The following AKAP12 variants were observed in gnomAD, a reference collection of about 807,000 sequenced individuals.
The protein encoded by AKAP12 is A-kinase anchoring protein 12.
AKAP12 carries 32 observed loss-of-function variants against 79.9 expected under a neutral mutation model. That is an observed-to-expected ratio of 0.40 (90% CI 0.30 to 0.54). The LOEUF is 0.54. Among genes scored for constraint, AKAP12 ranks in the 20% least tolerant of loss-of-function variants. The pLI is 0.48. For missense variants in AKAP12, 2,074 were observed against 2,177.0 expected (o/e 0.95, Z 0.94); for synonymous variants, 808 against 857.0 (o/e 0.94, Z 1.00).
chr6:151,326,325 C>A (rs1044769323), intron 3 of AKAP12, among the ~76,000 whole-genome samples: 1 of 152,066 alleles, frequency 6.6e-6, no homozygotes, highest in Non-Finnish European at 1.5e-5. Flanking sequence ...GGGCAAATTA[C>A]AAGTGTTTGC....
At chr6:151,251,361 A>G (rs1797171108) in intron 2 of AKAP12, among the ~76,000 whole-genome samples, 1 of 152,172 alleles carries the variant, frequency 6.6e-6, no homozygotes. Flanking sequence ...TAACATCCGC[A>G]CAGTAAAGTG....
chr6:151,277,356 A>G (rs1776307910), intron 2 of AKAP12, among the ~76,000 whole-genome samples: 2 of 152,314 alleles, frequency 1.3e-5, no homozygotes, highest in South Asian at 4.1e-4. Flanking sequence ...TACTCGTATG[A>G]TAACCACACC....
intron 2 of AKAP12, among the ~76,000 whole-genome samples, chr6:151,261,322 G>A (rs897207381): frequency 6.6e-6 from 1 of 151,886 alleles, no homozygotes; most frequent in Non-Finnish European, 1.5e-5. Context: ...AGTGATCCGA[G>A]ATTGTGCCAC....
intron 3 of AKAP12, among the ~76,000 whole-genome samples, chr6:151,322,451 T>C (rs1777420219): frequency 6.6e-6 from 1 of 152,202 alleles, no homozygotes; most frequent in Non-Finnish European, 1.5e-5. Flanking sequence ...TCCAGTGTTG[T>C]CTTCCCCGCC....
At position 151,258,926 on chromosome 6, in the gene AKAP12, C is replaced by CTGTG. The variant is rs35650826; in HGVS notation, c.162+18222_162+18225dup. ...ATAGGTATGAGCCACTGTGCCCAGC[C>CTGTG]TGTGTGTGTGTGTGTGTGTGTGTTT... On this transcript the variant is annotated intron_variant, in intron 2 of 4. Transcript: ENST00000402676. Among the ~76,000 whole-genome samples the CTGTG allele has an allele frequency of 2.0e-3, 292 of 148,066 alleles. 4 individuals are homozygous for CTGTG. The South Asian group carries it at 0.03, about 15-fold the overall frequency.
chr6:151,349,181 G>A lies in AKAP12; in HGVS notation c.790G>A (p.Glu264Lys), dbSNP rs1312851690. 5.0e-6 allele frequency: 8 copies of A among 1,612,990 alleles called. No homozygotes were observed. The highest frequency in any genetic ancestry group is 6.8e-6 in the Non-Finnish European group (8 of 1,180,042). ...PPAESGQAVE[E>K]CKEEGEEKQE... ...AGCCGAATCTGGCCAAGCAGTGGAG[G>A]AATGCAAAGAGGAAGGAGAAGAGAA... The change falls in exon 4 of 5, where the codon GAA becomes AAA. Residue 264 changes from glutamate to lysine, a missense_variant. Glu to Lys is a moderately conservative substitution (Grantham distance 56). Coordinates refer to ENST00000402676, the MANE Select transcript of AKAP12 (RefSeq NM_005100.4).
At chr6:151,279,675 G>A (rs1157242740) in intron 2 of AKAP12, among the ~76,000 whole-genome samples, 2 of 151,658 alleles carry the variant, frequency 1.3e-5, no homozygotes, top group Admixed American at 1.3e-4. Flanking sequence ...ATAGAAACGG[G>A]CTGGAGACAA....
chr6:151,356,143 T>G lies in AKAP12; in HGVS notation c.*429T>G, dbSNP rs1778434778. On this transcript the variant is annotated 3_prime_UTR_variant, in exon 5 of 5. Coordinates refer to ENST00000402676, the MANE Select transcript of AKAP12 (RefSeq NM_005100.4). ...AGGAAATGTGCAGGATACTACATGC[T>G]TTTTGTATCACACAGTATATGATGG... 1 of 152,672 alleles carries G rather than the reference T, an allele frequency of 6.5e-6. No homozygotes were observed. Among genetic ancestry groups the G allele is most frequent in the African/African-American group, 2.4e-5 (1 of 41,458 alleles). The allele number at this position is 152,672 out of a possible 1,614,324, so 9.5% of individuals were successfully genotyped here.
intron 2 of AKAP12, among the ~76,000 whole-genome samples, chr6:151,245,399 G>A (rs976901110): frequency 6.6e-6 from 1 of 150,978 alleles, no homozygotes; most frequent in Non-Finnish European, 1.5e-5. Flanking sequence ...AGGTTCAAGC[G>A]ATTCTCCTGC....
intron 2 of AKAP12, among the ~76,000 whole-genome samples, chr6:151,275,592 T>C (rs182380878): frequency 4.3e-4 from 66 of 152,328 alleles, no homozygotes; most frequent in African/African-American, 1.6e-3. Flanking sequence ...GGGTGAATCA[T>C]TGACAGTCTT....
chr6:151,319,527 G>GATATATATATATATAT (rs146314242), intron 3 of AKAP12: 1 of 101,272 alleles, frequency 9.9e-6, no homozygotes, highest in African/African-American at 4.0e-5. Context: ...TCTCTATATA[G>GATATATATATATATAT]ATATATATAT....
chr6:151,260,095 T>C (rs1307960320), intron 2 of AKAP12, among the ~76,000 whole-genome samples: 1 of 152,174 alleles, frequency 6.6e-6, no homozygotes, highest in Non-Finnish European at 1.5e-5. Context: ...TATAGAAATA[T>C]AAACATACAG....
In AKAP12 at chr6:151,325,622, G is replaced by A. The variant is rs932763714; in HGVS notation, c.319+19719G>A. The A allele has an allele frequency of 1.2e-5, 17 of 1,372,558 alleles. No individual in the cohort carries two copies. The African/African-American group carries it at 1.9e-4, about 16-fold the overall frequency. The allele number at this position is 1,372,558 out of a possible 1,614,324, so 85.0% of individuals were successfully genotyped here. On this transcript the variant is annotated intron_variant, in intron 3 of 4. Coordinates refer to ENST00000402676, the MANE Select transcript of AKAP12 (RefSeq NM_005100.4). ...CAGCCCGCGTGTGGGTGGCTGGGTGGGGGCGTGGGTGGGGGTCCGCCTATA... is the reference window on the plus strand; with the variant it reads ...CAGCCCGCGTGTGGGTGGCTGGGTGAGGGCGTGGGTGGGGGTCCGCCTATA...
intron 2 of AKAP12, among the ~76,000 whole-genome samples, chr6:151,273,742 G>T (rs1331828107): frequency 3.9e-5 from 6 of 152,084 alleles, no homozygotes; most frequent in African/African-American, 1.4e-4. Context: ...TTAAAAGAAT[G>T]AGGCCAGTTG....
chr6:151,293,214 A>G (rs1201851833), intron 2 of AKAP12, among the ~76,000 whole-genome samples: 1 of 152,206 alleles, frequency 6.6e-6, no homozygotes, highest in Non-Finnish European at 1.5e-5. Flanking sequence ...CTTTTGAGAG[A>G]AGCAGCCACT....
chr6:151,305,428 T>C (rs562453638), intron 2 of AKAP12, among the ~76,000 whole-genome samples: 35 of 152,320 alleles, frequency 2.3e-4, no homozygotes, highest in Admixed American at 1.4e-3. Flanking sequence ...CTCAAAGCTC[T>C]GGGAAACACA....
intron 3 of AKAP12, among the ~76,000 whole-genome samples, chr6:151,330,500 A>C (rs184223981): frequency 6.6e-6 from 1 of 152,288 alleles, no homozygotes; most frequent in Admixed American, 6.5e-5. Context: ...AATGCTACGA[A>C]TCTTGGGGGA....
chr6:151,281,626 T>C (rs1776409269), intron 2 of AKAP12, among the ~76,000 whole-genome samples: 1 of 152,202 alleles, frequency 6.6e-6, no homozygotes, highest in South Asian at 2.1e-4. Context: ...AGTCTTGGAA[T>C]TGGGGCATTC....
intron 3 of AKAP12, among the ~76,000 whole-genome samples, chr6:151,318,004 C>T (rs1022249571): frequency 1.3e-5 from 2 of 152,180 alleles, no homozygotes; most frequent in African/African-American, 4.8e-5. Context: ...GTGACCTCAC[C>T]GTGTAAGCTT....
Sources: gnomAD v4.1 joint callset for allele counts (sites outside exome capture counted in the v4.1 genomes callset) on GRCh38, gnomAD v4.1.1 for gene constraint, MANE v1.5 for transcripts, NCBI Gene and HGNC (gene_info 2026-07-23, HGNC 2026-07-21) for gene names.